Variants in IL1RAP observed in about 807,000 individuals in gnomAD.
IL1RAP encodes the protein interleukin 1 receptor accessory protein.
A neutral mutation model predicts 60.7 loss-of-function variants in IL1RAP; 35 were observed. The observed-to-expected ratio is 0.58, with a 90% confidence interval of 0.44 to 0.76. IL1RAP has a LOEUF of 0.76. Ranked by LOEUF, IL1RAP falls within the 30% of genes least tolerant of loss-of-function variation. The probability of loss-of-function intolerance (pLI) is 0.00; values close to 1 mark genes in which losing one functional copy is unlikely to be tolerated. For synonymous variants in IL1RAP, 268 were observed against 250.9 expected, an observed-to-expected ratio of 1.07 and a Z score of -0.64; for missense variants, 572 against 693.9, an observed-to-expected ratio of 0.82 and a Z score of 1.97.
At chr3:190,542,042 T>G (rs1723980377) in intron 1 of IL1RAP, among the ~76,000 whole-genome samples, 1 of 152,194 alleles carries the variant, frequency 6.6e-6, no homozygotes. Flanking sequence ...AAATGTCTCA[T>G]TCGTGCCACT....
intron 3 of IL1RAP, among the ~76,000 whole-genome samples, chr3:190,590,386 G>A (rs2108711010): frequency 6.6e-6 from 1 of 152,058 alleles, no homozygotes; most frequent in East Asian, 1.9e-4. Context: ...CTCCCAAGTA[G>A]CTGGGACTAC....
At chr3:190,595,967 T>C (rs1328204584) in intron 3 of IL1RAP, among the ~76,000 whole-genome samples, 1 of 152,180 alleles carries the variant, frequency 6.6e-6, no homozygotes, top group African/African-American at 2.4e-5. Flanking sequence ...CTGAGCTCGT[T>C]TTGCATGCTA....
intron 4 of IL1RAP, among the ~76,000 whole-genome samples, chr3:190,608,723 CTATT>C (rs1337018001): frequency 6.6e-6 from 1 of 152,132 alleles, no homozygotes; most frequent in Non-Finnish European, 1.5e-5. Context: ...TGACACATGA[CTATT>C]TATATACACT....
At chr3:190,583,691 G>T (rs376883873) in intron 3 of IL1RAP, among the ~76,000 whole-genome samples, 1 of 152,162 alleles carries the variant, frequency 6.6e-6, no homozygotes, top group Non-Finnish European at 1.5e-5. Context: ...CAAACTGAGA[G>T]CAGCCATCTA....
At chr3:190,575,401 G>A (rs1383823388) in intron 3 of IL1RAP, among the ~76,000 whole-genome samples, 2 of 152,124 alleles carry the variant, frequency 1.3e-5, no homozygotes, top group African/African-American at 2.4e-5. Flanking sequence ...AAGAACGTAA[G>A]TAAACAAATT....
At chr3:190,568,217 C>T (rs902357176) in intron 3 of IL1RAP, among the ~76,000 whole-genome samples, 10 of 152,090 alleles carry the variant, frequency 6.6e-5, no homozygotes, top group Admixed American at 2.0e-4. Flanking sequence ...GGATTTCACA[C>T]ACATTATCAG....
intron 1 of IL1RAP, among the ~76,000 whole-genome samples, chr3:190,531,937 G>A (rs1437317160): frequency 2.0e-5 from 3 of 152,278 alleles, no homozygotes; most frequent in South Asian, 2.1e-4. Flanking sequence ...ACGTGTAATC[G>A]TTCTCAAAGA....
chr3:190,515,743 G>A (rs893224990), intron 1 of IL1RAP, among the ~76,000 whole-genome samples: 2 of 151,844 alleles, frequency 1.3e-5, no homozygotes. Context: ...AGTTGCAGCT[G>A]TGTTACAGAT....
chr3:190,545,666 C>G (rs1448422558), intron 1 of IL1RAP, among the ~76,000 whole-genome samples: 1 of 152,082 alleles, frequency 6.6e-6, no homozygotes, highest in Admixed American at 6.5e-5. Context: ...GATTTGGTGT[C>G]AAGGTATTTG....
chr3:190,564,179 T>C (rs1208130220), intron 2 of IL1RAP, 110 bp from the exon 3 acceptor site: 1 of 690,810 alleles, frequency 1.4e-6, no homozygotes, highest in African/African-American at 1.8e-5. Context: ...ATTGTAAAAT[T>C]CTTAGAACAG....
intron 3 of IL1RAP, among the ~76,000 whole-genome samples, chr3:190,576,837 G>A (rs1340766656): frequency 6.6e-6 from 1 of 152,182 alleles, no homozygotes; most frequent in African/African-American, 2.4e-5. Context: ...ACAATGGCCG[G>A]GCGCGGTGGC....
intron 9 of IL1RAP, among the ~76,000 whole-genome samples, chr3:190,632,983 C>T (rs758176193): frequency 2.0e-5 from 3 of 152,314 alleles, no homozygotes; most frequent in Middle Eastern, 3.4e-3. Context: ...TCCTGGTTAA[C>T]ATAGTTTTAA....
chr3:190,616,682 A>G lies in IL1RAP; in HGVS notation c.538-3593A>G, dbSNP rs575613043. Among the ~76,000 whole-genome samples, 155 of 152,260 alleles carry G rather than the reference A, an allele frequency of 1.0e-3. 1 individual carries two copies. Among genetic ancestry groups the G allele is most frequent in the African/African-American group, 3.5e-3 (147 of 41,552 alleles). On this transcript the variant is annotated intron_variant, in intron 5 of 11. Transcript: ENST00000447382. ...TTAAACTCTTTGTATCTTTACATCT[A>G]CTTTCCCTTTCCATCCTACAACCCA...
At chr3:190,529,011 T>C (rs1420108717) in intron 1 of IL1RAP, among the ~76,000 whole-genome samples, 1 of 152,218 alleles carries the variant, frequency 6.6e-6, no homozygotes, top group African/African-American at 2.4e-5. Context: ...TAAGAAATCC[T>C]GAGAAGGCAC....
intron 9 of IL1RAP, among the ~76,000 whole-genome samples, chr3:190,638,281 C>T (rs1733384594): frequency 6.6e-6 from 1 of 151,972 alleles, no homozygotes; most frequent in Non-Finnish European, 1.5e-5. Context: ...TTGGTGTTGT[C>T]AGCCTTCTTT....
chr3:190,515,227 T>C (rs546959958), intron 1 of IL1RAP, among the ~76,000 whole-genome samples: 7 of 129,532 alleles, frequency 5.4e-5, no homozygotes, highest in Admixed American at 3.6e-4. Flanking sequence ...TTTTCTTTCT[T>C]TCTTCCTTTT....
At chr3:190,583,354 C>T (rs549722708) in intron 3 of IL1RAP, among the ~76,000 whole-genome samples, 4 of 152,312 alleles carry the variant, frequency 2.6e-5, no homozygotes, top group African/African-American at 9.6e-5. Context: ...TTTAAATCAG[C>T]TATGAGATTA....
Position 190,645,786 on chromosome 3 carries a change from AGAAT to A in IL1RAP, c.1294_1297del (p.Glu432LeufsTer23). On this transcript the variant is annotated frameshift_variant, in exon 11 of 12. Coordinates refer to ENST00000447382, the MANE Select transcript of IL1RAP (RefSeq NM_002182.4). LOFTEE classifies it high-confidence loss of function. ...TTACTGACCCTCCGTGGAGTTTTGG[AGAAT>A]GAATTTGGATACAAGCTGTGCATCT... is the stretch of plus-strand genomic sequence containing the variant. The A allele has an allele frequency of 6.2e-7, 1 of 1,613,878 alleles. No homozygotes were observed. Among genetic ancestry groups the A allele is most frequent in the Non-Finnish European group, 8.5e-7 (1 of 1,179,804 alleles).
intron 7 of IL1RAP, among the ~76,000 whole-genome samples, chr3:190,626,036 A>G (rs1732235529): frequency 6.6e-6 from 1 of 152,140 alleles, no homozygotes; most frequent in African/African-American, 2.4e-5. Flanking sequence ...TGACGATATA[A>G]TTTATCATCT....
Sources: allele counts gnomAD v4.1 joint callset (sites outside exome capture counted in the v4.1 genomes callset), GRCh38; gene constraint gnomAD v4.1.1; transcripts MANE v1.5; gene names NCBI Gene and HGNC (gene_info 2026-07-23, HGNC 2026-07-21).